SLC38A1: variants seen among roughly 807,000 people sequenced by gnomAD.
The protein encoded by SLC38A1 is solute carrier family 38 member 1, also known as sodium-coupled neutral amino acid symporter 1.
SLC38A1 carries 18 observed loss-of-function variants against 60.3 expected under a neutral mutation model. That is an observed-to-expected ratio of 0.30 (90% CI 0.21 to 0.44). The LOEUF (loss-of-function observed/expected upper bound fraction) is 0.44. Ranked by LOEUF, SLC38A1 falls within the 20% of genes least tolerant of loss-of-function variation. The pLI, the probability that SLC38A1 is intolerant of heterozygous loss-of-function variation, is 1.00. For synonymous variants in SLC38A1, 196 were observed against 212.1 expected, an observed-to-expected ratio of 0.92 and a Z score of 0.66; for missense variants, 448 against 587.2, an observed-to-expected ratio of 0.76 and a Z score of 2.45.
In SLC38A1 at chr12:46,207,565, C is replaced by T. The variant is rs367932653; in HGVS notation, c.445G>A (p.Val149Ile). Residue 149 changes from valine to isoleucine, a missense_variant, in exon 7 of 17, where the codon GTA (valine) becomes ATA (isoleucine). Val to Ile is a conservative substitution (Grantham distance 29). Around this residue, in one of 2 missense-constraint regions of SLC38A1, gnomAD observed 346 missense variants for 497.5 expected, o/e 0.70. Coordinates refer to ENST00000398637, the MANE Select transcript of SLC38A1 (RefSeq NM_030674.4). ...EQVFGTTGKF[V>I]IFGATSLQNT... ...TGTAGAGAGGTGGCTCCAAAGATTA[C>T]GAACTTCCCTGTGGTGCCAAAGACT... The T allele has an allele frequency of 1.7e-4, 278 of 1,613,986 alleles. 1 individual carries two copies. The highest frequency in any genetic ancestry group is 7.2e-4 in the African/African-American group (54 of 75,062).
intron 5 of SLC38A1, among the ~76,000 whole-genome samples, chr12:46,225,070 C>T (rs532701230): frequency 6.6e-6 from 1 of 151,988 alleles, no homozygotes; most frequent in South Asian, 2.1e-4. Flanking sequence ...TTTTTTAAGG[C>T]GTAAAGCTGC....
intron 16 of SLC38A1, among the ~76,000 whole-genome samples, chr12:46,193,621 T>G (rs1396093977): frequency 6.6e-5 from 10 of 152,220 alleles, no homozygotes; most frequent in Non-Finnish European, 4.4e-5. Context: ...GCTCCTGTAT[T>G]GGGTGCATAT....
At chr12:46,244,585 A>G (rs1565788213) in intron 1 of SLC38A1, among the ~76,000 whole-genome samples, 1 of 152,214 alleles carries the variant, frequency 6.6e-6, no homozygotes, top group Non-Finnish European at 1.5e-5. Flanking sequence ...AGTTGTGGCT[A>G]TGATTCTTGA....
At chr12:46,260,950 G>C (rs1236002912) in intron 1 of SLC38A1, among the ~76,000 whole-genome samples, 1 of 152,058 alleles carries the variant, frequency 6.6e-6, no homozygotes, top group East Asian at 1.9e-4. Context: ...AATCATAACT[G>C]TTCCCTCTAC....
intron 1 of SLC38A1, among the ~76,000 whole-genome samples, chr12:46,256,636 C>CACACACACACACACACACACAGAG (rs142176282): frequency 8.1e-6 from 1 of 123,268 alleles, no homozygotes; most frequent in African/African-American, 3.4e-5. Flanking sequence ...CACACACACA[C>CACACACACACACACACACACAGAG]AGAGAGAGAG....
At chr12:46,197,840 A>T (rs760767129) in intron 15 of SLC38A1, 23 bp from the exon 16 acceptor site, 1 of 1,597,178 alleles carries the variant, frequency 6.3e-7, no homozygotes, top group Non-Finnish European at 8.5e-7. Context: ...ACAAAAGAGA[A>T]AGTTTAGCAT....
chr12:46,232,160 T>C (rs151212111), intron 3 of SLC38A1, among the ~76,000 whole-genome samples: 1 of 152,310 alleles, frequency 6.6e-6, no homozygotes. Context: ...CTGCAGACAC[T>C]GCTTTTGGCT....
intron 2 of SLC38A1, among the ~76,000 whole-genome samples, chr12:46,241,962 C>T (rs75679884): frequency 0.023 from 3,494 of 152,104 alleles, 59 homozygotes; most frequent in Admixed American, 0.032. Context: ...AAATTTTCTG[C>T]GGTAAGAAAG....
chr12:46,191,073 C>A (rs368032133), intron 16 of SLC38A1, among the ~76,000 whole-genome samples: 1 of 151,992 alleles, frequency 6.6e-6, no homozygotes, highest in African/African-American at 2.4e-5. Flanking sequence ...TAGGTCTTAC[C>A]TTTAAGTCTT....
Position 46,240,103 on chromosome 12 carries a change from C to G in SLC38A1, c.-93-210G>C, listed in dbSNP as rs1320755975. Among the ~76,000 whole-genome samples, 4 of 151,850 alleles carry G rather than the reference C, an allele frequency of 2.6e-5. No individual in the cohort carries two copies. The South Asian group carries it at 8.3e-4, about 32-fold the overall frequency. ...AGATTTCCTTCCATTTTTAACTATA[C>G]AGTGAATCATGCCCCATAATCTTAC... On this transcript the variant is annotated intron_variant, in intron 2 of 16. Coordinates refer to ENST00000398637, the MANE Select transcript of SLC38A1 (RefSeq NM_030674.4).
Position 46,201,147 on chromosome 12 carries a change from CAT to C in SLC38A1, c.952_953del (p.Met318ValfsTer17). 1.2e-6 allele frequency: 2 copies of C among 1,613,384 alleles called. No homozygotes were observed. The highest frequency in any genetic ancestry group is 8.5e-7 in the Non-Finnish European group (1 of 1,179,672). On this transcript the variant is annotated frameshift_variant, in exon 13 of 17. Coordinates refer to ENST00000398637, the MANE Select transcript of SLC38A1 (RefSeq NM_030674.4). LOFTEE classifies it high-confidence loss of function. ...TGGCAGTCAAGAAGTACATAACAAA[CAT>C]GGCGAAAAAGGAGATGTTTGAAACC... is the stretch of plus-strand genomic sequence containing the variant. ...QMVSNISFFA[M>X]FVMYFLTAIF...
At chr12:46,219,970 C>T (rs1429630840) in intron 5 of SLC38A1, among the ~76,000 whole-genome samples, 1 of 152,238 alleles carries the variant, frequency 6.6e-6, no homozygotes, top group African/African-American at 2.4e-5. Context: ...CACGCACACA[C>T]ACCCCTACCT....
intron 3 of SLC38A1, among the ~76,000 whole-genome samples, chr12:46,236,974 C>G (rs1941281625): frequency 6.6e-6 from 1 of 152,186 alleles, no homozygotes. Flanking sequence ...ACTACAACCC[C>G]AAAATTTGGG....
chr12:46,192,115 C>G (rs1194423861), intron 16 of SLC38A1, among the ~76,000 whole-genome samples: 2 of 152,140 alleles, frequency 1.3e-5, no homozygotes, highest in Admixed American at 6.6e-5. Context: ...CCATCAATAC[C>G]TAGTTTATTG....
At position 46,219,145 on chromosome 12, in the gene SLC38A1, G is replaced by A. The variant is rs150143854; in HGVS notation, c.314+10008C>T. On this transcript the variant is annotated intron_variant, in intron 5 of 16. Transcript: ENST00000398637. ...AAGGGGGTCTTTTTGGAAAAGGGCT[G>A]TTACCAATTTTGTTTCAGTCAAACC... 2.9e-3 allele frequency among the ~76,000 whole-genome samples: 446 copies of A among 152,326 alleles called. 5 individuals carry two copies. The highest frequency in any genetic ancestry group is 0.01 in the African/African-American group (420 of 41,570).
chr12:46,195,914 A>C (rs1235370610), intron 16 of SLC38A1: 12 of 400,996 alleles, frequency 3.0e-5, no homozygotes, highest in Non-Finnish European at 5.2e-5. Context: ...TTCCTGGGTG[A>C]GGTGACGCCC....
Position 46,187,421 on chromosome 12 carries a change from C to G in SLC38A1, c.*1549G>C, listed in dbSNP as rs2136809764. On this transcript the variant is annotated 3_prime_UTR_variant, in exon 17 of 17. Coordinates refer to ENST00000398637, the MANE Select transcript of SLC38A1 (RefSeq NM_030674.4). The stretch of plus-strand genomic sequence containing the variant: ...TGTTTCAAGAGACCAGCTCACGGAG[C>G]ATGCACATTTCTCACCATAGGCAAG... 6.6e-6 allele frequency: 1 copy of G among 152,386 alleles called. No individual in the cohort carries two copies. The highest frequency in any genetic ancestry group is 1.5e-5 in the Non-Finnish European group (1 of 68,058). The allele number at this position is 152,386 out of a possible 1,614,324, so 9.4% of individuals were successfully genotyped here.
Position 46,256,579 on chromosome 12 carries a change from G to A in SLC38A1, c.-209+11947C>T, listed in dbSNP as rs574466522. Among the ~76,000 whole-genome samples the A allele has an allele frequency of 3.3e-5, 5 of 151,124 alleles. No homozygotes were observed. In the South Asian group the frequency reaches 8.4e-4, roughly 25 times the overall value. ...CAAGCTCCCAAGGACATGACTGACC[G>A]GAAGGAAACCTCATCCAGTTTGCGC... is the stretch of plus-strand genomic sequence containing the variant. On this transcript the variant is annotated intron_variant, in intron 1 of 16. Coordinates refer to ENST00000398637, the MANE Select transcript of SLC38A1 (RefSeq NM_030674.4).
intron 3 of SLC38A1, among the ~76,000 whole-genome samples, chr12:46,234,446 C>CTTTTTTTTTTTTTTTTTTT (rs397791217): frequency 7.1e-6 from 1 of 140,688 alleles, no homozygotes; most frequent in South Asian, 2.2e-4. Context: ...TTCTTTCTTT[C>CTTTTTTTTTTTTTTTTTTT]TTTTTTTTTT....
Sources: allele counts gnomAD v4.1 joint callset (sites outside exome capture counted in the v4.1 genomes callset), GRCh38; gene constraint gnomAD v4.1.1; regional missense constraint gnomAD v4.1.1; transcripts MANE v1.5; gene names NCBI Gene and HGNC (gene_info 2026-07-23, HGNC 2026-07-21).